Variants in CD1D observed in about 807,000 individuals in gnomAD.
CD1D encodes the protein CD1d molecule.
Under a neutral mutation model 42.1 loss-of-function variants are expected in CD1D, and 40 were observed. The observed-to-expected ratio is 0.95, with a 90% CI of 0.74 to 1.24. The LOEUF (loss-of-function observed/expected upper bound fraction) is 1.24, where lower values mean the gene tolerates loss of function less well. Ranked by LOEUF, CD1D falls within the 50% of genes most tolerant of loss-of-function variation. The pLI, the probability that CD1D is intolerant of heterozygous loss-of-function variation, is 0.00. For synonymous variants in CD1D, 178 were observed against 171.8 expected, an observed-to-expected ratio of 1.04 and a Z score of -0.28; for missense variants, 437 against 416.5, an observed-to-expected ratio of 1.05 and a Z score of -0.43.
In CD1D at chr1:158,185,618, A is replaced by T. The variant is rs1255051914; in HGVS notation, c.*1468A>T. Among the ~76,000 whole-genome samples the T allele has an allele frequency of 1.3e-5, 2 of 152,072 alleles. No individual in the cohort carries two copies. Among genetic ancestry groups the T allele is most frequent in the African/African-American group, 4.8e-5 (2 of 41,406 alleles). The stretch of plus-strand genomic sequence containing the variant: ...GTGGGAGGATCCCTTGAGCCCATGA[A>T]TTCCAGGTTAGTGTGAGCTGTGATT... On this transcript the variant is annotated 3_prime_UTR_variant, in exon 6 of 6. Transcript: ENST00000674085.
rs1347896354 is a variant in CD1D, at chr1:158,183,079, T to C, written c.809T>C (p.Val270Ala). ...TWYLRATLDV[V>A]AGEAAGLSCR... ...TATCTCCGAGCAACCCTGGATGTGG[T>C]GGCTGGGGAGGCAGCTGGCCTGTCC... is the stretch of plus-strand genomic sequence containing the variant. Residue 270 changes from valine to alanine, a missense_variant, in exon 4 of 6, where the codon GTG becomes GCG. Val to Ala is a moderately conservative substitution (Grantham distance 64). Coordinates refer to ENST00000674085, the MANE Select transcript of CD1D (RefSeq NM_001371762.2). 2.5e-6 allele frequency: 4 copies of C among 1,613,982 alleles called. No individual in the cohort carries two copies. Among genetic ancestry groups the C allele is most frequent in the Non-Finnish European group, 3.4e-6 (4 of 1,180,002 alleles).
At chr1:158,179,918 A>G (rs1648315327), upstream of CD1D, 1 of 152,328 alleles carries the variant, frequency 6.6e-6, no homozygotes, top group African/African-American at 2.4e-5. Context: ...TAGAGGGCGC[A>G]TAATCTTGCA....
upstream of CD1D, chr1:158,180,001 G>A (rs1172755155): frequency 6.6e-6 from 1 of 152,204 alleles, no homozygotes; most frequent in East Asian, 1.9e-4. Flanking sequence ...TAGGGTGATG[G>A]TGACGGTGGA....
upstream of CD1D, among the ~76,000 whole-genome samples, chr1:158,179,092 A>G (rs1335868330): frequency 6.6e-6 from 1 of 152,224 alleles, no homozygotes; most frequent in Non-Finnish European, 1.5e-5. Context: ...AAGATACACA[A>G]AAACTAAACA....
Position 158,181,684 on chromosome 1 carries a change from G to C in CD1D, c.291G>C (p.Arg97Ser). The C allele has an allele frequency of 1.2e-6, 2 of 1,612,636 alleles. No individual in the cohort carries two copies. The highest frequency in any genetic ancestry group is 3.3e-5 in the Admixed American group (2 of 60,024). Reference protein sequence around the residue: ...IFRVYRSSFTRDVKEFAKMLR... With the variant: ...IFRVYRSSFTSDVKEFAKMLR... ...GGGTTTATCGAAGCAGCTTCACCAG[G>C]GACGTGAAGGAATTCGCCAAAATGC... Residue 97 changes from arginine to serine, a missense_variant, in exon 2 of 6, where the codon AGG becomes AGC. By Grantham distance (110) the Arg-to-Ser change is moderately radical (BLOSUM62 -1). Transcript: ENST00000674085.
At position 158,184,210 on chromosome 1, in the gene CD1D, A is replaced by G; in HGVS notation, c.*60A>G. Reference sequence around the variant, plus strand: ...GACCTCTGGACCTCAGGTTCCTAAGACTTCAGTCCTGGTCTGCTCAGGAAT... The same window carrying G: ...GACCTCTGGACCTCAGGTTCCTAAGGCTTCAGTCCTGGTCTGCTCAGGAAT... On this transcript the variant is annotated 3_prime_UTR_variant, in exon 6 of 6. Coordinates refer to ENST00000674085, the MANE Select transcript of CD1D (RefSeq NM_001371762.2). The G allele has an allele frequency of 6.5e-7, 1 of 1,540,780 alleles. No homozygotes were observed. The highest frequency in any genetic ancestry group is 1.1e-5 in the South Asian group (1 of 89,482).
upstream of CD1D, among the ~76,000 whole-genome samples, chr1:158,178,059 C>A (rs1648243724): frequency 6.6e-6 from 1 of 152,214 alleles, no homozygotes; most frequent in Non-Finnish European, 1.5e-5. Flanking sequence ...TGGGACTGGA[C>A]GTCCGAGAGG....
In CD1D at chr1:158,182,295, G is replaced by A. The variant is rs759201645; in HGVS notation, c.592G>A (p.Glu198Lys). The A allele has an allele frequency of 1.9e-6, 3 of 1,614,110 alleles. No homozygotes were observed. In the South Asian group the frequency reaches 3.3e-5, roughly 18 times the overall value. ...TGGCCTCCTTGAGTCAGGGAAGTCGGAACTGAAGAAGCAAGGTCAGCCTGC... is the reference window on the plus strand; with the variant it reads ...TGGCCTCCTTGAGTCAGGGAAGTCGAAACTGAAGAAGCAAGGTCAGCCTGC... ...VSGLLESGKS[E>K]LKKQVKPKAW... Residue 198 changes from glutamate to lysine, a missense_variant, in exon 3 of 6, where the codon GAA (glutamate) becomes AAA (lysine). Glu to Lys is a moderately conservative substitution (Grantham distance 56). Transcript: ENST00000674085.
Position 158,181,439 on chromosome 1 carries a change from C to A in CD1D, c.62-16C>A, listed in dbSNP as rs1050201875. 5 of 1,611,984 alleles carry A rather than the reference C, an allele frequency of 3.1e-6. No homozygotes were observed. Among genetic ancestry groups the A allele is most frequent in the Non-Finnish European group, 4.2e-6 (5 of 1,178,546 alleles). On this transcript the variant is annotated splice_polypyrimidine_tract_variant and intron_variant, in intron 1 of 5. Coordinates refer to ENST00000674085, the MANE Select transcript of CD1D (RefSeq NM_001371762.2). Reference sequence around the variant, plus strand: ...CGGCCACTTGCTACACGCCTCCAATCTTCATTCTCTCCCAGTCCCGCAAAG... The same window carrying A: ...CGGCCACTTGCTACACGCCTCCAATATTCATTCTCTCCCAGTCCCGCAAAG...
rs422236 is a variant in CD1D at position 158,185,303 on chromosome 1, G to T, written c.*1153G>T. ...CCAGAAAAAATAAGTGAGACTTAAC[G>T]GTTGGAGAGTGTTTGCTTGAGAAAA... On this transcript the variant is annotated 3_prime_UTR_variant, in exon 6 of 6. Transcript: ENST00000674085. Among the ~76,000 whole-genome samples the T allele has an allele frequency of 0.51, 77,607 of 151,984 alleles. 20,486 individuals carry two copies. The highest frequency in any genetic ancestry group is 0.76 in the East Asian group (3,914 of 5,170).
chr1:158,181,579 G>C lies in CD1D; in HGVS notation c.186G>C (p.Ser62=). Residue 62 remains serine (S), a synonymous_variant, in exon 2 of 6, where the codon TCG becomes TCC. Transcript: ENST00000674085. The part of the protein sequence containing the change: ...ELQTHSWSND[S]DTVRSLKPWS... ...AGACGCACAGCTGGAGCAACGACTC[G>C]GACACCGTCCGCTCTCTGAAGCCTT... 1 of 1,614,116 alleles carries C rather than the reference G, an allele frequency of 6.2e-7. No homozygotes were observed.
upstream of CD1D, among the ~76,000 whole-genome samples, chr1:158,180,360 G>C (rs1371660808): frequency 1.3e-5 from 2 of 152,068 alleles, no homozygotes; most frequent in African/African-American, 2.4e-5. Flanking sequence ...AGGAGGAAGA[G>C]AGTCTGGGGG....
chr1:158,178,931 AT>A (rs1290776562), upstream of CD1D, among the ~76,000 whole-genome samples: 4 of 152,238 alleles, frequency 2.6e-5, no homozygotes, highest in South Asian at 2.1e-4. Context: ...TTGGGAAAAA[AT>A]ATCCGTATAA....
At position 158,182,029 on chromosome 1, in the gene CD1D, C is replaced by T. The variant is rs1648453958; in HGVS notation, c.329-3C>T. The T allele has an allele frequency of 6.2e-7, 1 of 1,601,196 alleles. No individual in the cohort carries two copies. The highest frequency in any genetic ancestry group is 8.5e-7 in the Non-Finnish European group (1 of 1,173,662). ...TTTGATCTTTCTCCATTCCTCTCCA[C>T]AGATCCCTTGGAGCTCCAGGTGTCC... On this transcript the variant is annotated splice_polypyrimidine_tract_variant and splice_region_variant and intron_variant, in intron 2 of 5. Transcript: ENST00000674085.
In CD1D at chr1:158,182,221, G is replaced by C. The variant is rs1648471466; in HGVS notation, c.518G>C (p.Arg173Thr). ...GTGCTCAACCAGGACAAGTGGACGAGGGAAACAGTGCAGTGGCTCCTTAAT... is the reference window on the plus strand; with the variant it reads ...GTGCTCAACCAGGACAAGTGGACGACGGAAACAGTGCAGTGGCTCCTTAAT... ...IQVLNQDKWT[R>T]ETVQWLLNGT... The change falls in exon 3 of 6, where the codon AGG (arginine) becomes ACG (threonine). Residue 173 changes from arginine (R) to threonine (T), a missense_variant. Arg to Thr is a moderately conservative substitution (Grantham distance 71). Coordinates refer to ENST00000674085, the MANE Select transcript of CD1D (RefSeq NM_001371762.2). The C allele has an allele frequency of 1.2e-6, 2 of 1,614,182 alleles. No individual in the cohort carries two copies. Among genetic ancestry groups the C allele is most frequent in the Non-Finnish European group, 1.7e-6 (2 of 1,180,032 alleles).
In CD1D at chr1:158,181,309, C is replaced by T. The variant is rs991566051; in HGVS notation, c.62-146C>T. ...AGGTAGAAAACTCGCTGCTCCCTGG[C>T]TCCGGGGAGAGGCAGCGCGGCACAG... On this transcript the variant is annotated intron_variant, in intron 1 of 5. Coordinates refer to ENST00000674085, the MANE Select transcript of CD1D (RefSeq NM_001371762.2). The T allele has an allele frequency of 8.4e-5, 120 of 1,424,924 alleles. No individual in the cohort carries two copies. The East Asian group carries it at 2.5e-3, about 30-fold the overall frequency. The allele number at this position is 1,424,924 out of a possible 1,614,324, so 88.3% of individuals were successfully genotyped here.
chr1:158,181,957 C>G, intron 2 of CD1D, 75 bp from the exon 3 acceptor site: 1 of 1,505,380 alleles, frequency 6.6e-7, no homozygotes, highest in South Asian at 1.3e-5. Flanking sequence ...TTATAACCTG[C>G]ACATCAATTT....
At chr1:158,181,296 C>G (rs1648392688) in intron 1 of CD1D, 134 bp downstream of exon 1, 1 of 1,426,804 alleles carries the variant, frequency 7.0e-7, no homozygotes, top group Non-Finnish European at 9.6e-7. Context: ...GTAGAAAACT[C>G]GCTGCTCCCT....
rs762773829 is a variant in CD1D, at chr1:158,183,013, C to T, written c.743C>T (p.Thr248Ile). 7.4e-6 allele frequency: 12 copies of T among 1,613,984 alleles called. No individual in the cohort carries two copies. Among genetic ancestry groups the T allele is most frequent in the Non-Finnish European group, 1.0e-5 (12 of 1,179,948 alleles). The change falls in exon 4 of 6, where the codon ACT (threonine) becomes ATT (isoleucine). Residue 248 changes from threonine to isoleucine, a missense_variant. Transcript: ENST00000674085. ...CGGGGTGAGCAGGAGCAGCAGGGCA[C>T]TCAGCCAGGGGACATCCTGCCCAAT... Reference protein sequence around the residue: ...WMRGEQEQQGTQPGDILPNAD... With the variant: ...WMRGEQEQQGIQPGDILPNAD...
Sources: gnomAD v4.1 joint callset for allele counts (sites outside exome capture counted in the v4.1 genomes callset) on GRCh38, gnomAD v4.1.1 for gene constraint, MANE v1.5 for transcripts, NCBI Gene and HGNC (gene_info 2026-07-23, HGNC 2026-07-21) for gene names.